Variants in EPB41L5 observed in about 807,000 individuals in gnomAD.
The protein encoded by EPB41L5 is erythrocyte membrane protein band 4.1 like 5, also known as band 4.1-like protein 5.
EPB41L5 carries 55 observed loss-of-function variants against 106.6 expected under a neutral mutation model. The observed-to-expected ratio is 0.52, with a 90% CI of 0.42 to 0.65. The LOEUF (loss-of-function observed/expected upper bound fraction) is 0.65. Ranked by LOEUF, EPB41L5 falls within the 30% of genes least tolerant of loss-of-function variation. The pLI is 0.00. For synonymous variants in EPB41L5, 297 were observed against 306.7 expected (o/e 0.97, Z 0.33); for missense variants, 871 against 882.1 (o/e 0.99, Z 0.16).
intron 16 of EPB41L5, among the ~76,000 whole-genome samples, chr2:120,115,013 C>T (rs1684885801): frequency 6.6e-6 from 1 of 152,046 alleles, no homozygotes; most frequent in Admixed American, 6.6e-5. Flanking sequence ...TGTAAAATGT[C>T]CTTCTTTGTC....
At chr2:120,111,627 G>C (rs773891392) in intron 16 of EPB41L5, among the ~76,000 whole-genome samples, 1 of 152,010 alleles carries the variant, frequency 6.6e-6, no homozygotes, top group East Asian at 1.9e-4. Context: ...AATGTATCCA[G>C]GTCTACTGCT....
chr2:120,086,172 G>C (rs374259075), intron 10 of EPB41L5, among the ~76,000 whole-genome samples: 1 of 152,172 alleles, frequency 6.6e-6, no homozygotes, highest in Non-Finnish European at 1.5e-5. Flanking sequence ...CTGCACTCCA[G>C]CCTTTGTGAC....
intron 16 of EPB41L5, among the ~76,000 whole-genome samples, chr2:120,115,835 A>G (rs1684925494): frequency 6.6e-6 from 1 of 152,030 alleles, no homozygotes; most frequent in African/African-American, 2.4e-5. Flanking sequence ...TCGAGACAAG[A>G]GTCTTGCACT....
intron 20 of EPB41L5, among the ~76,000 whole-genome samples, chr2:120,153,130 G>A (rs1310861749): frequency 6.6e-6 from 1 of 151,996 alleles, no homozygotes; most frequent in African/African-American, 2.4e-5. Context: ...TAAATGTAGG[G>A]ATTTACAGCT....
chr2:120,123,711 G>T (rs1444772564), intron 16 of EPB41L5, among the ~76,000 whole-genome samples: 1 of 125,080 alleles, frequency 8.0e-6, no homozygotes, highest in East Asian at 2.8e-4. Context: ...AGGCTAGAGT[G>T]TAGTGGCACA....
chr2:120,023,354 T>C (rs1678072527), intron 2 of EPB41L5, among the ~76,000 whole-genome samples: 1 of 152,204 alleles, frequency 6.6e-6, no homozygotes, highest in Non-Finnish European at 1.5e-5. Flanking sequence ...GAGTTAATTT[T>C]TGTGTAAGAT....
intron 3 of EPB41L5, among the ~76,000 whole-genome samples, chr2:120,061,534 T>TA (rs1208832095): frequency 6.6e-6 from 1 of 151,612 alleles, no homozygotes; most frequent in Non-Finnish European, 1.5e-5. Context: ...TTTTTTTTAA[T>TA]AGAGACAGGG....
At chr2:120,029,622 T>C (rs1678571059) in intron 2 of EPB41L5, among the ~76,000 whole-genome samples, 1 of 152,202 alleles carries the variant, frequency 6.6e-6, no homozygotes. Context: ...TTTATTTTTC[T>C]TCTCTTTAGG....
intron 3 of EPB41L5, among the ~76,000 whole-genome samples, chr2:120,051,007 G>A (rs1043571749): frequency 1.1e-4 from 17 of 152,272 alleles, no homozygotes; most frequent in Non-Finnish European, 2.5e-4. Flanking sequence ...CTGCCTGATC[G>A]TTCCTCTGGA....
chr2:120,023,906 G>T (rs1220062718), intron 2 of EPB41L5, among the ~76,000 whole-genome samples: 1 of 152,136 alleles, frequency 6.6e-6, no homozygotes, highest in Non-Finnish European at 1.5e-5. Context: ...CATCTCTTGT[G>T]AGTTGTATTC....
intron 14 of EPB41L5, among the ~76,000 whole-genome samples, chr2:120,097,701 T>C (rs1388791789): frequency 6.6e-6 from 1 of 152,176 alleles, no homozygotes; most frequent in East Asian, 1.9e-4. Context: ...GTATACTATG[T>C]AAAAGCAAAA....
At chr2:120,163,651 T>C (rs763424339) in intron 21 of EPB41L5, among the ~76,000 whole-genome samples, 5 of 150,858 alleles carry the variant, frequency 3.3e-5, no homozygotes, top group Non-Finnish European at 7.4e-5. Context: ...AGTACCATTC[T>C]CATCTAGTCT....
chr2:120,075,772 G>A lies in EPB41L5; in HGVS notation c.505+19G>A. 6.3e-7 allele frequency: 1 copy of A among 1,575,352 alleles called. No homozygotes were observed. On this transcript the variant is annotated intron_variant, in intron 7 of 24. Coordinates refer to ENST00000263713, the MANE Select transcript of EPB41L5 (RefSeq NM_020909.4). ...CTGCAAGGTAAGCAATTCTTATGTT[G>A]ACTGTTAAGACTCAAGTATAATCTT...
chr2:120,115,807 G>A (rs1003029904), intron 16 of EPB41L5, among the ~76,000 whole-genome samples: 2 of 151,470 alleles, frequency 1.3e-5, no homozygotes, highest in African/African-American at 4.9e-5. Flanking sequence ...GTTACGTTAC[G>A]TTACGTTATG....
intron 5 of EPB41L5, 30 bp from the exon 6 acceptor site, chr2:120,075,446 G>A: frequency 1.3e-6 from 2 of 1,525,530 alleles, no homozygotes; most frequent in Non-Finnish European, 1.8e-6. Flanking sequence ...TGTGCTGTTG[G>A]GTTAAATTTG....
At chr2:120,032,134 G>A (rs1236504738) in intron 2 of EPB41L5, among the ~76,000 whole-genome samples, 1 of 152,150 alleles carries the variant, frequency 6.6e-6, no homozygotes, top group East Asian at 1.9e-4. Flanking sequence ...TGTAATCCCA[G>A]CACTTTGGGA....
chr2:120,104,675 A>AT, intron 16 of EPB41L5: 1 of 985,150 alleles, frequency 1.0e-6, no homozygotes, highest in Non-Finnish European at 1.2e-6. Flanking sequence ...GCCTTTTGAG[A>AT]TATTTATTAA....
intron 16 of EPB41L5, among the ~76,000 whole-genome samples, chr2:120,119,507 A>ATATGGT (rs1685110463): frequency 2.6e-5 from 4 of 152,072 alleles, no homozygotes; most frequent in Non-Finnish European, 5.9e-5. Context: ...TTGAGTCTTT[A>ATATGGT]ATCCATCTTG....
intron 20 of EPB41L5, among the ~76,000 whole-genome samples, chr2:120,149,045 A>T (rs1407139615): frequency 6.6e-6 from 1 of 152,112 alleles, no homozygotes; most frequent in Non-Finnish European, 1.5e-5. Context: ...CTTGTTTATT[A>T]TACTCATCCT....
Sources: allele counts gnomAD v4.1 joint callset (sites outside exome capture counted in the v4.1 genomes callset), GRCh38; gene constraint gnomAD v4.1.1; transcripts MANE v1.5; gene names NCBI Gene and HGNC (gene_info 2026-07-23, HGNC 2026-07-21).